KALRN: variants seen among roughly 807,000 people sequenced by gnomAD.
The protein encoded by KALRN is kalirin.
A neutral mutation model predicts 353.7 loss-of-function variants in KALRN; 70 were observed. The ratio of observed to expected loss-of-function variants is 0.20; its 90% CI spans 0.16 to 0.24. The LOEUF is 0.24. Ranked by LOEUF, KALRN falls within the 10% of genes least tolerant of loss-of-function variation. The probability of loss-of-function intolerance (pLI) is 1.00; values close to 1 mark genes in which losing one functional copy is unlikely to be tolerated. For missense variants in KALRN, 2,791 were observed against 3,756.7 expected (o/e 0.74, Z 6.72); for synonymous variants, 1,391 against 1,434.8 (o/e 0.97, Z 0.69).
chr3:124,457,226 T>G (rs530163986), intron 23 of KALRN, among the ~76,000 whole-genome samples: 1 of 152,060 alleles, frequency 6.6e-6, no homozygotes. Flanking sequence ...TGCGCCACCA[T>G]GCCTAGCTAA....
chr3:124,230,643 G>C (rs1011754305), intron 2 of KALRN, among the ~76,000 whole-genome samples: 4 of 152,070 alleles, frequency 2.6e-5, no homozygotes, highest in African/African-American at 9.7e-5. Flanking sequence ...GGGGCTGGGA[G>C]CATAGCTCTC....
At chr3:124,087,207 C>T (rs929805553) in intron 1 of KALRN, among the ~76,000 whole-genome samples, 15 of 152,194 alleles carry the variant, frequency 9.9e-5, no homozygotes, top group South Asian at 4.2e-4. Context: ...AGGCTTTAAA[C>T]GTATTTTCTT....
chr3:124,455,040 G>A (rs2059171299), intron 21 of KALRN, 137 bp from the exon 22 acceptor site: 3 of 815,736 alleles, frequency 3.7e-6, no homozygotes, highest in South Asian at 1.8e-5. Context: ...CCAGTTAGTA[G>A]TAACAAAGCT....
chr3:124,194,315 G>A (rs2075225031), intron 1 of KALRN, among the ~76,000 whole-genome samples: 1 of 152,156 alleles, frequency 6.6e-6, no homozygotes, highest in Admixed American at 6.5e-5. Context: ...GCAGGATTCT[G>A]GTAGGTCTGG....
At chr3:124,601,276 G>C (rs1012366087) in intron 34 of KALRN, among the ~76,000 whole-genome samples, 1 of 152,218 alleles carries the variant, frequency 6.6e-6, no homozygotes, top group South Asian at 2.1e-4. Context: ...CTCAGTAAGT[G>C]TTAGCTTGAG....
intron 6 of KALRN, among the ~76,000 whole-genome samples, chr3:124,300,297 G>A (rs565363947): frequency 6.6e-6 from 1 of 152,338 alleles, no homozygotes; most frequent in Non-Finnish European, 1.5e-5. Flanking sequence ...TGCAGTGATA[G>A]AGATATGCCG....
At chr3:124,084,677 A>AT (rs567459922) in intron 1 of KALRN, among the ~76,000 whole-genome samples, 1 of 152,084 alleles carries the variant, frequency 6.6e-6, no homozygotes, top group Non-Finnish European at 1.5e-5. Context: ...AAGTTCTGGG[A>AT]TTTTTTTGGC....
intron 13 of KALRN, chr3:124,407,711 TACAC>T (rs2091719433): frequency 6.6e-6 from 1 of 152,170 alleles, no homozygotes; most frequent in African/African-American, 2.4e-5. Context: ...CATCAGCACA[TACAC>T]TAAACTGAAA....
chr3:124,724,641 G>A lies in KALRN; in HGVS notation c.*5171G>A, dbSNP rs535965433. 4 of 152,208 alleles carry A rather than the reference G, an allele frequency of 2.6e-5. No individual in the cohort carries two copies. In the South Asian group the frequency reaches 8.3e-4, roughly 32 times the overall value. 9.4% of individuals were successfully genotyped at this position (152,208 alleles called of 1,614,324 possible). ...CATTAATTCTAAAGGGTTAAAAAGG[G>A]CTGAAATTTGTTTATAGCACTAAAT... is the stretch of plus-strand genomic sequence containing the variant. On this transcript the variant is annotated 3_prime_UTR_variant, in exon 60 of 60. Transcript: ENST00000682506.
chr3:124,462,335 A>G (rs2059932145), intron 24 of KALRN, among the ~76,000 whole-genome samples, 189 bp from the exon 25 acceptor site: 3 of 152,224 alleles, frequency 2.0e-5, no homozygotes, highest in African/African-American at 7.2e-5. Context: ...TGTTCTTGCT[A>G]AAGTTCAGGA....
chr3:124,490,503 A>T (rs2063037368), intron 29 of KALRN, among the ~76,000 whole-genome samples, 191 bp from the exon 30 acceptor site: 1 of 152,150 alleles, frequency 6.6e-6, no homozygotes, highest in Non-Finnish European at 1.5e-5. Flanking sequence ...GGGGCAGGAG[A>T]GATCTAATTG....
intron 2 of KALRN, among the ~76,000 whole-genome samples, chr3:124,233,333 C>G (rs896145932): frequency 3.3e-5 from 5 of 152,154 alleles, no homozygotes; most frequent in African/African-American, 1.2e-4. Flanking sequence ...TTCTCGCTTC[C>G]TTTTCCTCAT....
At chr3:124,303,955 G>A (rs368960133) in intron 6 of KALRN, among the ~76,000 whole-genome samples, 1 of 152,202 alleles carries the variant, frequency 6.6e-6, no homozygotes, top group African/African-American at 2.4e-5. Context: ...AAGATTCTGA[G>A]GCAGGCAGGT....
chr3:124,469,270 C>G (rs543495576), intron 25 of KALRN, among the ~76,000 whole-genome samples: 1 of 152,176 alleles, frequency 6.6e-6, no homozygotes, highest in South Asian at 2.1e-4. Context: ...GCTGAATGGG[C>G]GTCCAGCCCT....
At chr3:124,238,807 A>G (rs1035146879) in intron 3 of KALRN, among the ~76,000 whole-genome samples, 6 of 152,190 alleles carry the variant, frequency 3.9e-5, no homozygotes, top group Non-Finnish European at 8.8e-5. Context: ...TTCAGCGTCC[A>G]TCTTGGCCTG....
intron 6 of KALRN, among the ~76,000 whole-genome samples, chr3:124,322,793 A>G (rs12636960): frequency 0.31 from 46,865 of 151,908 alleles, 7,438 homozygotes; most frequent in Admixed American, 0.36. Flanking sequence ...CTCCCTTCTC[A>G]TTTGTTGTGT....
intron 57 of KALRN, among the ~76,000 whole-genome samples, chr3:124,702,866 CAG>C (rs2062409488): frequency 6.6e-6 from 1 of 152,062 alleles, no homozygotes; most frequent in Admixed American, 6.6e-5. Context: ...AAAAATAAAA[CAG>C]ATAAAAATAT....
intron 33 of KALRN, among the ~76,000 whole-genome samples, chr3:124,552,302 G>A (rs759368462): frequency 7.9e-5 from 12 of 152,150 alleles, no homozygotes; most frequent in Non-Finnish European, 1.5e-4. Context: ...CCCCTCTCAG[G>A]TGCTCCGCAT....
At chr3:124,692,819 A>G (rs909629411) in intron 51 of KALRN, among the ~76,000 whole-genome samples, 2 of 152,250 alleles carry the variant, frequency 1.3e-5, no homozygotes, top group African/African-American at 4.8e-5. Context: ...CAATCACATT[A>G]AACAAAACAG....
Sources: gnomAD v4.1 joint callset for allele counts (sites outside exome capture counted in the v4.1 genomes callset) on GRCh38, gnomAD v4.1.1 for gene constraint, MANE v1.5 for transcripts, NCBI Gene and HGNC (gene_info 2026-07-23, HGNC 2026-07-21) for gene names.